Variants in CNTN5 observed in about 807,000 individuals in gnomAD.
CNTN5 encodes the protein contactin 5.
In CNTN5, 77 loss-of-function variants were observed where a neutral mutation model predicts 129.1. The ratio of observed to expected loss-of-function variants is 0.60; its 90% CI spans 0.50 to 0.72. The LOEUF (loss-of-function observed/expected upper bound fraction) is 0.72, where lower values mean the gene tolerates loss of function less well. Ranked by LOEUF, CNTN5 falls within the 30% of genes least tolerant of loss-of-function variation. The probability of loss-of-function intolerance (pLI) is 0.00; values close to 1 mark genes in which losing one functional copy is unlikely to be tolerated. For missense variants in CNTN5, 1,478 were observed against 1,328.8 expected (o/e 1.11, Z -1.75); for synonymous variants, 509 against 465.6 (o/e 1.09, Z -1.20).
chr11:99,121,255 C>T (rs1044975788), intron 1 of CNTN5, among the ~76,000 whole-genome samples: 13 of 151,882 alleles, frequency 8.6e-5, no homozygotes, highest in African/African-American at 2.9e-4. Context: ...CTGCTTCAGC[C>T]TTCCAAGTAG....
At chr11:99,061,092 C>T (rs1269994784) in intron 1 of CNTN5, among the ~76,000 whole-genome samples, 1 of 151,886 alleles carries the variant, frequency 6.6e-6, no homozygotes, top group Non-Finnish European at 1.5e-5. Flanking sequence ...ACTTTAAATT[C>T]TTTGGGAATT....
intron 15 of CNTN5, among the ~76,000 whole-genome samples, chr11:100,209,280 C>A (rs189066810): frequency 3.5e-4 from 53 of 152,160 alleles, no homozygotes; most frequent in Non-Finnish European, 7.4e-5. Flanking sequence ...TAGGAGATAG[C>A]CTTTCAAAAA....
In CNTN5 at chr11:99,218,050, C is replaced by CT. The variant is rs541626139; in HGVS notation, c.-209-107289dup. Among the ~76,000 whole-genome samples the CT allele has an allele frequency of 3.3e-5, 5 of 152,098 alleles. No individual in the cohort carries two copies. The East Asian group carries it at 7.7e-4, about 24-fold the overall frequency. ...AGATTACATTTATTTTCTCCAATTGCTTTTTTTCTGTTTTATGGTGGTAGT... is the reference window on the plus strand; with the variant it reads ...AGATTACATTTATTTTCTCCAATTGCTTTTTTTTCTGTTTTATGGTGGTAGT... On this transcript the variant is annotated intron_variant, in intron 1 of 24. Coordinates refer to ENST00000524871, the MANE Select transcript of CNTN5 (RefSeq NM_014361.4).
chr11:99,137,545 T>C (rs866242389), intron 1 of CNTN5, among the ~76,000 whole-genome samples: 15 of 152,140 alleles, frequency 9.9e-5, no homozygotes, highest in African/African-American at 3.4e-4. Context: ...AACAGCAATA[T>C]TGTAAAAGGT....
intron 1 of CNTN5, among the ~76,000 whole-genome samples, chr11:99,179,857 A>G (rs1286026766): frequency 6.6e-6 from 1 of 152,114 alleles, no homozygotes; most frequent in African/African-American, 2.4e-5. Context: ...GTTGGGTGTA[A>G]GTGACTTTAG....
chr11:100,116,645 T>C (rs1945850013), intron 13 of CNTN5, among the ~76,000 whole-genome samples: 2 of 152,038 alleles, frequency 1.3e-5, no homozygotes, highest in African/African-American at 2.4e-5. Context: ...TATAATTGCC[T>C]ATTACAATTT....
chr11:99,719,694 G>A lies in CNTN5; in HGVS notation c.56-99850G>A, dbSNP rs532991363. 3.3e-5 allele frequency among the ~76,000 whole-genome samples: 5 copies of A among 151,922 alleles called. No individual in the cohort carries two copies. In the South Asian group the frequency reaches 6.2e-4, roughly 19 times the overall value. On this transcript the variant is annotated intron_variant, in intron 3 of 24. Transcript: ENST00000524871. ...AGAACACAAGAAATAACAAAAATCC[G>A]AGCTGAACTGAAGGAAATCGAGACA...
chr11:99,298,954 C>G (rs1864505159), intron 1 of CNTN5, among the ~76,000 whole-genome samples: 1 of 152,144 alleles, frequency 6.6e-6, no homozygotes, highest in African/African-American at 2.4e-5. Context: ...TTCCTAAACC[C>G]TTAAATACCC....
intron 13 of CNTN5, among the ~76,000 whole-genome samples, chr11:100,135,165 G>A (rs1332913671): frequency 6.8e-6 from 1 of 147,560 alleles, no homozygotes; most frequent in African/African-American, 2.5e-5. Flanking sequence ...TGTTAGGTTG[G>A]ATATAAAAGT....
chr11:99,996,238 T>A (rs972571188), intron 8 of CNTN5, among the ~76,000 whole-genome samples: 2 of 152,176 alleles, frequency 1.3e-5, no homozygotes, highest in Non-Finnish European at 2.9e-5. Flanking sequence ...TTATTACTAT[T>A]ATTACAGCTC....
chr11:99,082,329 C>T (rs976856922), intron 1 of CNTN5, among the ~76,000 whole-genome samples: 1 of 151,964 alleles, frequency 6.6e-6, no homozygotes, highest in African/African-American at 2.4e-5. Flanking sequence ...GGACTACAGG[C>T]GCATGCCACC....
intron 3 of CNTN5, among the ~76,000 whole-genome samples, chr11:99,712,539 A>G (rs530661132): frequency 6.6e-6 from 1 of 152,166 alleles, no homozygotes; most frequent in East Asian, 1.9e-4. Flanking sequence ...TGTTTTAGTC[A>G]TGAAGTCTTT....
chr11:100,256,027 G>C (rs1272906748), intron 17 of CNTN5, 109 bp downstream of exon 17: 1 of 954,016 alleles, frequency 1.0e-6, no homozygotes, highest in Non-Finnish European at 1.5e-6. Flanking sequence ...AAATCTCTTT[G>C]TTATTTCTTA....
intron 13 of CNTN5, among the ~76,000 whole-genome samples, chr11:100,155,414 G>C (rs1041119290): frequency 6.6e-6 from 1 of 152,084 alleles, no homozygotes; most frequent in South Asian, 2.1e-4. Flanking sequence ...TGATGTTTTG[G>C]TTACTGTAGC....
intron 13 of CNTN5, among the ~76,000 whole-genome samples, chr11:100,172,966 C>A (rs115387112): frequency 0.012 from 1,845 of 152,074 alleles, 29 homozygotes; most frequent in African/African-American, 0.042. Context: ...GCAAAGGTAG[C>A]AGAATTGCAG....
At chr11:100,120,573 T>C (rs1945984689) in intron 13 of CNTN5, among the ~76,000 whole-genome samples, 1 of 151,988 alleles carries the variant, frequency 6.6e-6, no homozygotes, top group South Asian at 2.1e-4. Flanking sequence ...GGAATACCTA[T>C]GATTATAAGC....
chr11:99,683,935 A>G (rs1953672350), intron 3 of CNTN5, among the ~76,000 whole-genome samples: 1 of 151,878 alleles, frequency 6.6e-6, no homozygotes, highest in African/African-American at 2.4e-5. Context: ...TATCTCACAT[A>G]CTATTTTTTT....
chr11:99,972,085 TAAA>T (rs71050038), intron 8 of CNTN5, among the ~76,000 whole-genome samples: 1,552 of 92,172 alleles, frequency 0.017, 41 homozygotes, highest in African/African-American at 0.043. Context: ...TTATCTCTAT[TAAA>T]AAAAAAAAAA....
chr11:99,580,138 A>T (rs1293320635), intron 3 of CNTN5, among the ~76,000 whole-genome samples: 1 of 152,102 alleles, frequency 6.6e-6, no homozygotes, highest in Non-Finnish European at 1.5e-5. Flanking sequence ...ACATTTATTG[A>T]TTTGGGTATG....
Sources: gnomAD v4.1 joint callset for allele counts (sites outside exome capture counted in the v4.1 genomes callset) on GRCh38, gnomAD v4.1.1 for gene constraint, MANE v1.5 for transcripts, NCBI Gene and HGNC (gene_info 2026-07-23, HGNC 2026-07-21) for gene names.